Variants in NRDC observed in about 807,000 individuals in gnomAD.
NRDC encodes the protein nardilysin convertase, also known as nardilysin.
Under a neutral mutation model 147.1 loss-of-function variants are expected in NRDC, and 54 were observed. The ratio of observed to expected loss-of-function variants is 0.37; its 90% CI spans 0.29 to 0.46. The LOEUF is 0.46. NRDC is among the 20% of genes least tolerant of loss of function. The probability of loss-of-function intolerance (pLI) is 1.00; values close to 1 mark genes in which losing one functional copy is unlikely to be tolerated. For synonymous variants in NRDC, 440 were observed against 482.1 expected (o/e 0.91, Z 1.14); for missense variants, 1,082 against 1,370.6 (o/e 0.79, Z 3.33).
intron 1 of NRDC, among the ~76,000 whole-genome samples, chr1:51,854,815 T>C (rs1467688820): frequency 6.6e-6 from 1 of 152,164 alleles, no homozygotes; most frequent in African/African-American, 2.4e-5. Context: ...TGCTTCCCTA[T>C]AAAAACTAAA....
chr1:51,867,846 TAC>T (rs1263144251), intron 1 of NRDC, among the ~76,000 whole-genome samples: 1 of 152,208 alleles, frequency 6.6e-6, no homozygotes, highest in South Asian at 2.1e-4. Flanking sequence ...CAAGTTTTGC[TAC>T]AGTTACCAGA....
At chr1:51,820,820 G>A (rs1238784364) in intron 8 of NRDC, among the ~76,000 whole-genome samples, 1 of 152,112 alleles carries the variant, frequency 6.6e-6, no homozygotes, top group Non-Finnish European at 1.5e-5. Context: ...TTGTTAAAAT[G>A]CAAACTACTA....
chr1:51,805,431 C>A, intron 19 of NRDC, 79 bp downstream of exon 19: 1 of 1,105,784 alleles, frequency 9.0e-7, no homozygotes, highest in Non-Finnish European at 1.3e-6. Flanking sequence ...GAGAAAATGA[C>A]AGAATGATTT....
intron 24 of NRDC, among the ~76,000 whole-genome samples, chr1:51,794,265 T>C (rs912904691): frequency 6.6e-6 from 1 of 152,142 alleles, no homozygotes; most frequent in Admixed American, 6.5e-5. Flanking sequence ...GATTAGTACT[T>C]AGGTGATTAA....
chr1:51,797,974 T>C, intron 22 of NRDC: 1 of 357,914 alleles, frequency 2.8e-6, no homozygotes, highest in South Asian at 5.0e-5. Context: ...CTCACTGTGT[T>C]GCCTGGACTG....
In NRDC at chr1:51,818,065, C is replaced by T. The variant is rs1209932783; in HGVS notation, c.1361+1G>A. The T allele has an allele frequency of 6.2e-7, 1 of 1,604,566 alleles. No homozygotes were observed. Among genetic ancestry groups the T allele is most frequent in the Non-Finnish European group, 8.5e-7 (1 of 1,176,360 alleles). ...AAGTAAATTTTCCCTTAAACTCTTACCTGTAATGTTGCTGTTGAGGAGGAA... is the reference window on the plus strand; with the variant it reads ...AAGTAAATTTTCCCTTAAACTCTTATCTGTAATGTTGCTGTTGAGGAGGAA... On this transcript the variant is annotated splice_donor_variant, in intron 10 of 30. Transcript: ENST00000352171. LOFTEE classifies it high-confidence loss of function.
At chr1:51,790,503 T>G in intron 29 of NRDC, 30 bp downstream of exon 29, 114 of 1,385,116 alleles carry the variant, frequency 8.2e-5, no homozygotes, top group Non-Finnish European at 1.1e-4. Context: ...TTGACCAGTT[T>G]GAGCTGTCTT....
chr1:51,869,520 G>T (rs1571925551), intron 1 of NRDC, among the ~76,000 whole-genome samples: 1 of 152,034 alleles, frequency 6.6e-6, no homozygotes, highest in East Asian at 1.9e-4. Flanking sequence ...TATACATTTT[G>T]TTTTGCCACT....
intron 1 of NRDC, among the ~76,000 whole-genome samples, chr1:51,843,063 C>CAAAAA (rs11356852): frequency 1.2e-4 from 8 of 67,982 alleles, no homozygotes; most frequent in South Asian, 6.3e-4. Flanking sequence ...AAACCTGTCT[C>CAAAAA]AAAAAAAAAA....
chr1:51,827,983 T>C (rs953282549), intron 4 of NRDC, 114 bp from the exon 5 acceptor site: 1 of 763,670 alleles, frequency 1.3e-6, no homozygotes, highest in Non-Finnish European at 2.2e-6. Context: ...ATCCTAAGTA[T>C]ATAAAATCTA....
chr1:51,814,934 A>G (rs1039839600), intron 11 of NRDC, 121 bp from the exon 12 acceptor site: 23 of 1,059,930 alleles, frequency 2.2e-5, no homozygotes, highest in Middle Eastern at 2.3e-4. Context: ...CTTTGAATGT[A>G]AACATATACT....
intron 2 of NRDC, among the ~76,000 whole-genome samples, chr1:51,838,889 T>C (rs1035138738): frequency 2.0e-5 from 3 of 152,078 alleles, no homozygotes; most frequent in African/African-American, 7.2e-5. Context: ...TTTCCCCCAG[T>C]GTTTTGATGT....
chr1:51,872,220 C>G (rs1386031327), intron 1 of NRDC, among the ~76,000 whole-genome samples: 3 of 152,154 alleles, frequency 2.0e-5, no homozygotes, highest in African/African-American at 7.2e-5. Context: ...GAGACAGAGG[C>G]AGGTGATCTT....
intron 1 of NRDC, among the ~76,000 whole-genome samples, chr1:51,871,247 G>A (rs1357656743): frequency 2.0e-5 from 3 of 152,080 alleles, no homozygotes; most frequent in Admixed American, 1.3e-4. Flanking sequence ...AACTCGGGAA[G>A]TGGAAGTTGC....
At chr1:51,834,355 G>T (rs928511235) in intron 3 of NRDC, among the ~76,000 whole-genome samples, 185 bp from the exon 4 acceptor site, 2 of 151,528 alleles carry the variant, frequency 1.3e-5, no homozygotes, top group Non-Finnish European at 1.5e-5. Context: ...ATGGAGCACA[G>T]TGGTGCAATC....
chr1:51,874,175 T>C (rs1046848665), intron 1 of NRDC, among the ~76,000 whole-genome samples: 2 of 151,632 alleles, frequency 1.3e-5, no homozygotes, highest in Non-Finnish European at 2.9e-5. Context: ...TTTACATACC[T>C]TTTCATTTGT....
rs755185837 is a variant in NRDC at position 51,794,517 on chromosome 1, A to G, written c.2730T>C (p.Ala910=). 1.9e-6 allele frequency: 3 copies of G among 1,614,178 alleles called. No homozygotes were observed. In the South Asian group the frequency reaches 3.3e-5, roughly 18 times the overall value. ...PSGHHLCKVK[A]LNKGDANSEV... ...CAGAGTTGGCATCACCCTTGTTCAG[A>G]GCTTTCACTTTGCATAGATGGTGGC... The change falls in exon 24 of 31, where the codon GCT becomes GCC. Residue 910 remains alanine (A), a synonymous_variant. Transcript: ENST00000352171.
chr1:51,848,613 A>C (rs1241652649), intron 1 of NRDC, among the ~76,000 whole-genome samples: 1 of 152,238 alleles, frequency 6.6e-6, no homozygotes, highest in Non-Finnish European at 1.5e-5. Context: ...AATAGAATTC[A>C]GCAAAGTAGC....
intron 7 of NRDC, among the ~76,000 whole-genome samples, chr1:51,823,220 T>C (rs1680285166): frequency 6.6e-6 from 1 of 152,222 alleles, no homozygotes; most frequent in Non-Finnish European, 1.5e-5. Flanking sequence ...TCTTAAATTG[T>C]CACCATGTCA....
Sources: allele counts gnomAD v4.1 joint callset (sites outside exome capture counted in the v4.1 genomes callset), GRCh38; gene constraint gnomAD v4.1.1; transcripts MANE v1.5; gene names NCBI Gene and HGNC (gene_info 2026-07-23, HGNC 2026-07-21).